ZFYVE28: variants seen among roughly 807,000 people sequenced by gnomAD.
ZFYVE28 encodes zinc finger FYVE-type containing 28.
In ZFYVE28, 40 loss-of-function variants were observed where a neutral mutation model predicts 82.1. That is an observed-to-expected ratio of 0.49 (90% CI 0.38 to 0.63). The LOEUF (loss-of-function observed/expected upper bound fraction) is 0.63, where lower values mean the gene tolerates loss of function less well. ZFYVE28 is among the 30% of genes least tolerant of loss of function. The probability of loss-of-function intolerance (pLI) is 0.00; values close to 1 mark genes in which losing one functional copy is unlikely to be tolerated. For synonymous variants in ZFYVE28, 612 were observed against 546.1 expected (o/e 1.12, Z -1.68); for missense variants, 1,321 against 1,242.1 (o/e 1.06, Z -0.96).
intron 1 of ZFYVE28, among the ~76,000 whole-genome samples, chr4:2,377,029 T>TC: frequency 6.6e-6 from 1 of 152,266 alleles, no homozygotes; most frequent in South Asian, 2.1e-4. Context: ...CTTTACTTTT[T>TC]TTTTTTTTCT....
rs374141698 is a variant in ZFYVE28, at chr4:2,336,083, G to A, written c.612-289C>T. ...AGGCAGGGGCAGGGAGGATGTGTGA[G>A]GACAGCTATGATGCCCAGCAAAGAC... On this transcript the variant is annotated intron_variant, in intron 5 of 12. Coordinates refer to ENST00000290974, the MANE Select transcript of ZFYVE28 (RefSeq NM_020972.3). Among the ~76,000 whole-genome samples, 20 of 152,298 alleles carry A rather than the reference G, an allele frequency of 1.3e-4. No individual in the cohort carries two copies. In the East Asian group the frequency reaches 1.7e-3, roughly 13 times the overall value.
At chr4:2,350,463 C>G (rs1478119487) in intron 2 of ZFYVE28, among the ~76,000 whole-genome samples, 3 of 120,832 alleles carry the variant, frequency 2.5e-5, no homozygotes, top group East Asian at 4.6e-4. Flanking sequence ...GACTCCGTCT[C>G]AAAAAAAAAA....
At position 2,354,055 on chromosome 4, in the gene ZFYVE28, G is replaced by A; in HGVS notation, c.58C>T (p.Leu20Phe). 6.4e-7 allele frequency: 1 copy of A among 1,571,406 alleles called. No homozygotes were observed. Reference sequence around the variant, plus strand: ...TCGTCGGCATAGTAGAACCGGGCAAGCAGCTGCGGATCCGACCTCTGCAGG... The same window carrying A: ...TCGTCGGCATAGTAGAACCGGGCAAACAGCTGCGGATCCGACCTCTGCAGG... ...YKPKRSDPQL[L>F]ARFYYADEEL... Residue 20 changes from leucine to phenylalanine, a missense_variant, in exon 2 of 13, where the codon CTT becomes TTT. This residue lies in a region of ZFYVE28 where 343 missense variants were observed against 408.4 expected (regional missense o/e 0.84). Transcript: ENST00000290974.
intron 1 of ZFYVE28, among the ~76,000 whole-genome samples, chr4:2,359,863 C>T (rs1160720681): frequency 6.6e-6 from 1 of 152,160 alleles, no homozygotes. Flanking sequence ...CAAGGTAAAA[C>T]CTCAAATCTG....
At position 2,335,640 on chromosome 4, in the gene ZFYVE28, T is replaced by C; in HGVS notation, c.701+65A>G. The C allele has an allele frequency of 1.4e-6, 2 of 1,474,844 alleles. No individual in the cohort carries two copies. Among genetic ancestry groups the C allele is most frequent in the Non-Finnish European group, 1.9e-6 (2 of 1,080,156 alleles). 91.4% of individuals were successfully genotyped at this position (1,474,844 alleles called of 1,614,324 possible). A position where few individuals can be genotyped will look rare whatever the true frequency, so the allele number is the denominator to read the frequency against. On this transcript the variant is annotated intron_variant, in intron 6 of 12. Coordinates refer to ENST00000290974, the MANE Select transcript of ZFYVE28 (RefSeq NM_020972.3). This position sits in a 1 kb window ranked among gnomAD's most constrained non-coding sequence, Gnocchi z 5.8. ...CATGGACCGGCACCCGCACGGGACC[T>C]GGCACCATCAGCCCTGCCCGTCCCG...
chr4:2,271,498 C>A, intron 11 of ZFYVE28, 84 bp from the exon 12 acceptor site: 2 of 1,494,968 alleles, frequency 1.3e-6, no homozygotes, highest in Non-Finnish European at 1.9e-6. Flanking sequence ...CTGGGCCCTC[C>A]TTTCCAGACT....
intron 1 of ZFYVE28, among the ~76,000 whole-genome samples, chr4:2,374,630 A>AAGAAGG (rs562643550): frequency 5.6e-4 from 84 of 148,880 alleles, no homozygotes; most frequent in Non-Finnish European, 8.5e-4. Flanking sequence ...AGAAAAGAAG[A>AAGAAGG]AGAAGGAGAA....
intron 1 of ZFYVE28, among the ~76,000 whole-genome samples, chr4:2,392,114 A>G (rs1729901818): frequency 1.3e-5 from 2 of 151,218 alleles, no homozygotes; most frequent in African/African-American, 2.4e-5. Context: ...AGATTGCATC[A>G]TTGCACTCCA....
intron 7 of ZFYVE28, among the ~76,000 whole-genome samples, chr4:2,308,639 A>AAGAAAGAAAG (rs1213226115): frequency 1.6e-5 from 2 of 124,020 alleles, no homozygotes; most frequent in Non-Finnish European, 3.4e-5. Context: ...GAAAGAAAGA[A>AAGAAAGAAAG]AGAAAGAAAG....
intron 1 of ZFYVE28, among the ~76,000 whole-genome samples, chr4:2,397,592 C>G (rs1324891118): frequency 6.6e-6 from 1 of 152,204 alleles, no homozygotes; most frequent in Non-Finnish European, 1.5e-5. Flanking sequence ...GCCCGCTCCC[C>G]TCCCCTGGCC....
At chr4:2,415,138 A>G (rs1283532142) in intron 1 of ZFYVE28, among the ~76,000 whole-genome samples, 1 of 152,238 alleles carries the variant, frequency 6.6e-6, no homozygotes, top group Non-Finnish European at 1.5e-5. Flanking sequence ...AAACTTTTGT[A>G]TTATTCATCA....
chr4:2,384,946 C>G (rs886068904), intron 1 of ZFYVE28, among the ~76,000 whole-genome samples: 1 of 151,516 alleles, frequency 6.6e-6, no homozygotes, highest in African/African-American at 2.4e-5. Flanking sequence ...AATCATCTGT[C>G]CTGATTTTAA....
chr4:2,384,846 T>C (rs1578336207), intron 1 of ZFYVE28, among the ~76,000 whole-genome samples: 1 of 152,222 alleles, frequency 6.6e-6, no homozygotes, highest in Admixed American at 6.5e-5. Flanking sequence ...CAGCCCACTC[T>C]GCACAAGGAG....
intron 1 of ZFYVE28, among the ~76,000 whole-genome samples, chr4:2,385,207 G>A (rs1047492735): frequency 6.6e-6 from 1 of 152,196 alleles, no homozygotes; most frequent in Non-Finnish European, 1.5e-5. Context: ...GTGGCTTCAG[G>A]ACAGACAGAC....
In ZFYVE28 at chr4:2,283,820, G is replaced by T. The variant is rs188903549; in HGVS notation, c.2052-9604C>A. On this transcript the variant is annotated intron_variant, in intron 8 of 12. Coordinates refer to ENST00000290974, the MANE Select transcript of ZFYVE28 (RefSeq NM_020972.3). Reference sequence around the variant, plus strand: ...GCTGGAGAGAGGTCTGGAGTGCCAGGGAGGGTTCCTGGAAGGCGCAGCATG... The same window carrying T: ...GCTGGAGAGAGGTCTGGAGTGCCAGTGAGGGTTCCTGGAAGGCGCAGCATG... 1.2e-3 allele frequency among the ~76,000 whole-genome samples: 185 copies of T among 152,318 alleles called. 3 individuals carry two copies. The highest frequency in any genetic ancestry group is 4.4e-3 in the African/African-American group (184 of 41,586).
rs1735806107 is a variant in ZFYVE28, at chr4:2,270,411, C to G, written c.*314G>C. The G allele has an allele frequency of 7.2e-6, 3 of 418,364 alleles. No individual in the cohort carries two copies. The highest frequency in any genetic ancestry group is 1.4e-3 in the Middle Eastern group (2 of 1,430). 25.9% of individuals were successfully genotyped at this position (418,364 alleles called of 1,614,324 possible). On this transcript the variant is annotated 3_prime_UTR_variant, in exon 13 of 13. Coordinates refer to ENST00000290974, the MANE Select transcript of ZFYVE28 (RefSeq NM_020972.3). ...ATCACCCGCCCCGATTCCCATAGCCCCAGCAGATCTCCGAGGGACCAGTGG... is the reference window on the plus strand; with the variant it reads ...ATCACCCGCCCCGATTCCCATAGCCGCAGCAGATCTCCGAGGGACCAGTGG...
chr4:2,344,811 G>A (rs574885532), intron 2 of ZFYVE28, among the ~76,000 whole-genome samples: 3 of 152,248 alleles, frequency 2.0e-5, no homozygotes, highest in Non-Finnish European at 4.4e-5. Context: ...CAGGAGAATC[G>A]CTTGAACCTG....
chr4:2,398,544 A>G (rs139646753), intron 1 of ZFYVE28, among the ~76,000 whole-genome samples: 77 of 152,260 alleles, frequency 5.1e-4, no homozygotes, highest in South Asian at 6.2e-4. Context: ...TTGAGAAGGA[A>G]AATAGGTGAG....
intron 1 of ZFYVE28, among the ~76,000 whole-genome samples, chr4:2,378,391 A>G (rs1196081613): frequency 6.6e-6 from 1 of 152,220 alleles, no homozygotes; most frequent in East Asian, 1.9e-4. Context: ...ACCATTGTAT[A>G]TGTGGCCTGT....
Sources: allele counts gnomAD v4.1 joint callset (sites outside exome capture counted in the v4.1 genomes callset), GRCh38; gene constraint gnomAD v4.1.1; regional missense constraint gnomAD v4.1.1; non-coding constraint Gnocchi (gnomAD v3.1); transcripts MANE v1.5; gene names NCBI Gene and HGNC (gene_info 2026-07-23, HGNC 2026-07-21).